AGXT2: variants seen among roughly 807,000 people sequenced by gnomAD.
AGXT2 encodes alanine--glyoxylate aminotransferase 2, mitochondrial.
A neutral mutation model predicts 62.5 loss-of-function variants in AGXT2; 61 were observed. The ratio of observed to expected loss-of-function variants is 0.98; its 90% CI spans 0.79 to 1.21. The LOEUF (loss-of-function observed/expected upper bound fraction) is 1.21, where lower values mean the gene tolerates loss of function less well. Ranked by LOEUF, AGXT2 falls within the 50% of genes most tolerant of loss-of-function variation. The pLI, the probability that AGXT2 is intolerant of heterozygous loss-of-function variation, is 0.00. For synonymous variants in AGXT2, 243 were observed against 218.7 expected (o/e 1.11, Z -0.98); for missense variants, 666 against 641.5 (o/e 1.04, Z -0.41).
intron 10 of AGXT2, 74 bp from the exon 11 acceptor site, chr5:35,013,119 C>T (rs2112198642): frequency 3.1e-6 from 4 of 1,295,610 alleles, no homozygotes; most frequent in Middle Eastern, 2.0e-4. Context: ...GCCATTTGGA[C>T]TACAGTTACT....
intron 1 of AGXT2, among the ~76,000 whole-genome samples, chr5:35,046,688 A>G (rs919613437): frequency 2.0e-5 from 3 of 152,332 alleles, no homozygotes; most frequent in South Asian, 2.1e-4. Flanking sequence ...CAGGGGTAAG[A>G]AAGCGAAGAG....
Position 35,032,821 on chromosome 5 carries a change from A to C in AGXT2, c.680T>G (p.Met227Arg). The C allele has an allele frequency of 1.9e-6, 3 of 1,601,692 alleles. No homozygotes were observed. The highest frequency in any genetic ancestry group is 2.6e-6 in the Non-Finnish European group (3 of 1,173,238). The change falls in exon 7 of 14, where the codon ATG becomes AGG. Residue 227 changes from methionine to arginine, a missense_variant. Transcript: ENST00000231420. ...AGGGCCACGAAAAACATCTGGACAC[A>C]TTGTCTGCAAATGACAAAAGAAGGA... ...LPGGTGCQPT[M>R]CPDVFRGPWG... is the part of the protein sequence containing the mutation.
chr5:35,029,298 T>C (rs1184979566), intron 7 of AGXT2, among the ~76,000 whole-genome samples: 1 of 152,202 alleles, frequency 6.6e-6, no homozygotes, highest in African/African-American at 2.4e-5. Context: ...GAGAAGTAAT[T>C]TGGAAATTTA....
Position 35,037,078 on chromosome 5 carries a change from T to C in AGXT2, c.363-13A>G, listed in dbSNP as rs771633799. ...TGCATTCACCTTTCTGGATAAGCAG[T>C]ACAGCAGAGTTACCTGCACTGCGTG... On this transcript the variant is annotated splice_polypyrimidine_tract_variant and intron_variant, in intron 3 of 13. Transcript: ENST00000231420. 73 of 1,613,632 alleles carry C rather than the reference T, an allele frequency of 4.5e-5. No homozygotes were observed. The East Asian group carries it at 1.5e-3, about 33-fold the overall frequency.
Position 35,039,551 on chromosome 5 carries a change from T to C in AGXT2, c.178-43A>G. On this transcript the variant is annotated intron_variant, in intron 2 of 13. Coordinates refer to ENST00000231420, the MANE Select transcript of AGXT2 (RefSeq NM_031900.4). ...TTAAACCCACACACTTCTTACAAGA[T>C]CAATAGCAGTCAATCTATGAGTAAC... The C allele has an allele frequency of 2.5e-6, 4 of 1,587,660 alleles. 1 individual carries two copies. Among genetic ancestry groups the C allele is most frequent in the South Asian group, 2.2e-5 (2 of 89,876 alleles).
At chr5:35,004,033 T>A (rs963847531) in intron 12 of AGXT2, among the ~76,000 whole-genome samples, 172 bp from the exon 13 acceptor site, 3 of 152,304 alleles carry the variant, frequency 2.0e-5, no homozygotes, top group Middle Eastern at 6.8e-3. Context: ...AGCTGCTAAT[T>A]GCTGAACCAG....
intron 9 of AGXT2, among the ~76,000 whole-genome samples, chr5:35,021,074 AG>A (rs1167446623): frequency 6.6e-6 from 1 of 152,162 alleles, no homozygotes; most frequent in Admixed American, 6.5e-5. Flanking sequence ...AAATAAAAGA[AG>A]ATACAAACAA....
chr5:35,032,929 T>A (rs1237332576), intron 6 of AGXT2, 104 bp from the exon 7 acceptor site: 9 of 893,284 alleles, frequency 1.0e-5, no homozygotes, highest in African/African-American at 1.7e-5. Context: ...TTAGTTTTCC[T>A]CCCTCATTCT....
chr5:35,021,006 C>T (rs1239382617), intron 9 of AGXT2, among the ~76,000 whole-genome samples: 2 of 152,106 alleles, frequency 1.3e-5, no homozygotes, highest in Non-Finnish European at 2.9e-5. Flanking sequence ...CCTAGGAGTC[C>T]AACTTACAAG....
chr5:35,027,716 G>C (rs188232476), intron 7 of AGXT2, among the ~76,000 whole-genome samples: 20 of 151,596 alleles, frequency 1.3e-4, no homozygotes, highest in African/African-American at 4.6e-4. Context: ...TTGAGGCCCA[G>C]AATGAGGTAG....
Position 34,998,839 on chromosome 5 carries a change from C to T in AGXT2, c.1438-13G>A. On this transcript the variant is annotated splice_polypyrimidine_tract_variant and intron_variant, in intron 13 of 13. Coordinates refer to ENST00000231420, the MANE Select transcript of AGXT2 (RefSeq NM_031900.4). The stretch of plus-strand genomic sequence containing the variant: ...CAATGCGAAATGTCTGAGGAGACAC[C>T]AAAAAATAAGAAAACAAATCATCAG... The T allele has an allele frequency of 1.3e-6, 2 of 1,569,850 alleles. 1 individual carries two copies. Among genetic ancestry groups the T allele is most frequent in the South Asian group, 2.2e-5 (2 of 90,072 alleles).
At chr5:35,025,092 C>G (rs1418454379) in intron 9 of AGXT2, among the ~76,000 whole-genome samples, 1 of 151,984 alleles carries the variant, frequency 6.6e-6, no homozygotes, top group Non-Finnish European at 1.5e-5. Context: ...ACTTGGCTAT[C>G]AGGCCTGGCA....
At chr5:35,024,829 G>A (rs10070227) in intron 9 of AGXT2, among the ~76,000 whole-genome samples, 113,791 of 151,970 alleles carry the variant, frequency 0.75, 43,488 homozygotes, top group Middle Eastern at 0.83. Flanking sequence ...AACTAGCCGG[G>A]TGTGGTGGCG....
intron 7 of AGXT2, among the ~76,000 whole-genome samples, chr5:35,030,508 CA>C (rs34547590): frequency 0.67 from 100,678 of 151,164 alleles, 33,529 homozygotes; most frequent in South Asian, 0.77. Context: ...GACTTTGTCT[CA>C]AAAAAAAAAA....
intron 12 of AGXT2, among the ~76,000 whole-genome samples, chr5:35,005,883 T>C (rs973021200): frequency 6.7e-6 from 1 of 150,090 alleles, no homozygotes; most frequent in African/African-American, 2.4e-5. Context: ...TTGAAAAAAA[T>C]TCAAATGTTC....
chr5:35,047,420 G>T (rs1457099800), intron 1 of AGXT2, among the ~76,000 whole-genome samples: 1 of 152,110 alleles, frequency 6.6e-6, no homozygotes, highest in African/African-American at 2.4e-5. Context: ...TCCAACCTAG[G>T]TGACAGAGGG....
intron 1 of AGXT2, among the ~76,000 whole-genome samples, chr5:35,047,447 A>G (rs1768278719): frequency 6.6e-6 from 1 of 152,172 alleles, no homozygotes; most frequent in South Asian, 2.1e-4. Flanking sequence ...TGTCTCAAAA[A>G]AGAAAAAATA....
At chr5:35,013,162 C>T (rs1766707744) in intron 10 of AGXT2, 117 bp from the exon 11 acceptor site, 1 of 898,304 alleles carries the variant, frequency 1.1e-6, no homozygotes, top group South Asian at 1.4e-5. Flanking sequence ...TCCAATTCAT[C>T]CTTCATTCAA....
intron 3 of AGXT2, 97 bp from the exon 4 acceptor site, chr5:35,037,162 A>G: frequency 6.4e-7 from 1 of 1,555,546 alleles, no homozygotes; most frequent in Non-Finnish European, 8.7e-7. Flanking sequence ...TTTTTCTCAA[A>G]GAGTTTCAAG....
Sources: gnomAD v4.1 joint callset for allele counts (sites outside exome capture counted in the v4.1 genomes callset) on GRCh38, gnomAD v4.1.1 for gene constraint, MANE v1.5 for transcripts, NCBI Gene and HGNC (gene_info 2026-07-23, HGNC 2026-07-21) for gene names.